The following CFHR4 variants were observed in gnomAD, a reference collection of about 807,000 sequenced individuals.
The protein encoded by CFHR4 is complement factor H related 4, also known as complement factor H-related protein 4.
In CFHR4, 64 loss-of-function variants were observed where a neutral mutation model predicts 69.3. The observed-to-expected ratio is 0.92, with a 90% confidence interval of 0.76 to 1.14. The LOEUF (loss-of-function observed/expected upper bound fraction) is 1.14. CFHR4 is among the 50% of genes most tolerant of loss of function. The pLI is 0.00. For synonymous variants in CFHR4, 244 were observed against 237.0 expected, an observed-to-expected ratio of 1.03 and a Z score of -0.27; for missense variants, 636 against 684.9, an observed-to-expected ratio of 0.93 and a Z score of 0.80.
Position 196,910,362 on chromosome 1 carries a change from C to G in CFHR4, c.881C>G (p.Ala294Gly). ...ENTRRPYFPV[A>G]TGQSYSYYCD... is the part of the protein sequence containing the mutation. ...ACGCGTAGACCATACTTTCCAGTAG[C>G]TACAGGACAATCTTACTCCTATTAC... The change falls in exon 6 of 10, where the codon GCT becomes GGT. Residue 294 changes from alanine (A) to glycine (G), a missense_variant. Around this residue, in one of 3 missense-constraint regions of CFHR4, gnomAD observed 529 missense variants for 533.2 expected, o/e 0.99. Transcript: ENST00000608469. 1 of 1,611,586 alleles carries G rather than the reference C, an allele frequency of 6.2e-7. No individual in the cohort carries two copies. The highest frequency in any genetic ancestry group is 8.5e-7 in the Non-Finnish European group (1 of 1,178,698).
At chr1:196,907,217 A>T in intron 4 of CFHR4, 99 bp from the exon 5 acceptor site, 1 of 1,251,318 alleles carries the variant, frequency 8.0e-7, no homozygotes, top group Non-Finnish European at 1.1e-6. Context: ...CTTCCTAAGA[A>T]ATCAAATAAG....
chr1:196,907,129 T>G (rs1030194805), intron 4 of CFHR4, 92 bp downstream of exon 4: 2 of 1,277,766 alleles, frequency 1.6e-6, no homozygotes, highest in Non-Finnish European at 2.2e-6. Flanking sequence ...TGAATACATA[T>G]GTGTACATAT....
At chr1:196,901,320 G>A (rs1024398636) in intron 1 of CFHR4, among the ~76,000 whole-genome samples, 16 of 151,274 alleles carry the variant, frequency 1.1e-4, no homozygotes, top group Non-Finnish European at 1.8e-4. Flanking sequence ...TCTATACCTA[G>A]AGAAGTTACT....
At chr1:196,915,403 C>T (rs994600637) in intron 9 of CFHR4, among the ~76,000 whole-genome samples, 4 of 151,390 alleles carry the variant, frequency 2.6e-5, no homozygotes, top group Middle Eastern at 3.4e-3. Flanking sequence ...TTTGGAAGGC[C>T]GAGGCAGGCA....
At chr1:196,908,086 C>T (rs542709005) in intron 5 of CFHR4, among the ~76,000 whole-genome samples, 31 of 151,360 alleles carry the variant, frequency 2.0e-4, no homozygotes, top group Non-Finnish European at 4.4e-5. Flanking sequence ...CATGTTCTCA[C>T]TCAGATGTGG....
intron 1 of CFHR4, among the ~76,000 whole-genome samples, chr1:196,897,751 C>T (rs1234456451): frequency 2.0e-5 from 3 of 151,176 alleles, no homozygotes; most frequent in Non-Finnish European, 2.9e-5. Context: ...TATGTGTGCC[C>T]GCTAAGGTGT....
At chr1:196,915,772 T>A (rs1222917471) in intron 9 of CFHR4, among the ~76,000 whole-genome samples, 7 of 150,734 alleles carry the variant, frequency 4.6e-5, no homozygotes, top group Non-Finnish European at 8.9e-5. Context: ...AAGAATGACA[T>A]CCATTTATTG....
rs1438486748 is a variant in CFHR4 at position 196,914,663 on chromosome 1, C to A, written c.1349C>A (p.Thr450Lys). The A allele has an allele frequency of 1.3e-6, 2 of 1,599,014 alleles. No individual in the cohort carries two copies. Among genetic ancestry groups the A allele is most frequent in the Admixed American group, 1.8e-5 (1 of 56,994 alleles). Residue 450 changes from threonine (T) to lysine (K), a missense_variant, in exon 8 of 10, where the codon ACA becomes AAA. Around this residue, in one of 3 missense-constraint regions of CFHR4, gnomAD observed 529 missense variants for 533.2 expected, o/e 0.99. Transcript: ENST00000608469. ...GAAGATGGGTGGTCCCATTTCCCAACATGTTATAGTAAGTATTTTATTCAA... is the reference window on the plus strand; with the variant it reads ...GAAGATGGGTGGTCCCATTTCCCAAAATGTTATAGTAAGTATTTTATTCAA... ...CGEDGWSHFP[T>K]CYNSSEKCGP...
At chr1:196,914,426 G>A (rs1658457841) in intron 7 of CFHR4, 69 bp from the exon 8 acceptor site, 1 of 1,495,114 alleles carries the variant, frequency 6.7e-7, no homozygotes, top group East Asian at 2.3e-5. Context: ...TCCCTACAAT[G>A]GGACTTTCTT....
chr1:196,914,151 A>G (rs1170287904), intron 7 of CFHR4, among the ~76,000 whole-genome samples: 1 of 151,428 alleles, frequency 6.6e-6, no homozygotes, highest in Non-Finnish European at 1.5e-5. Flanking sequence ...TTTTAAATTC[A>G]CAAAATTTTA....
At chr1:196,913,714 CA>C (rs1426782286) in intron 7 of CFHR4, among the ~76,000 whole-genome samples, 2 of 151,166 alleles carry the variant, frequency 1.3e-5, no homozygotes, top group Admixed American at 6.6e-5. Flanking sequence ...TACATACTCC[CA>C]AATCCACTTC....
At chr1:196,901,864 G>A (rs1657630251) in intron 1 of CFHR4, among the ~76,000 whole-genome samples, 1 of 151,390 alleles carries the variant, frequency 6.6e-6, no homozygotes, top group Admixed American at 6.6e-5. Flanking sequence ...AATATTCCTA[G>A]TTCATTTTCC....
In CFHR4 at chr1:196,899,564, G is replaced by A. The variant is rs545559192; in HGVS notation, c.59-2854G>A. On this transcript the variant is annotated intron_variant, in intron 1 of 9. Coordinates refer to ENST00000608469, the MANE Select transcript of CFHR4 (RefSeq NM_001201550.3). ...CCCACCTTGGCCTCCCAAGGTGTTC[G>A]GATTATCGTGCCCAAACCCAGATGA... Among the ~76,000 whole-genome samples, 62 of 151,626 alleles carry A rather than the reference G, an allele frequency of 4.1e-4. 1 individual carries two copies. The highest frequency in any genetic ancestry group is 5.3e-4 in the Non-Finnish European group (36 of 67,948).
intron 6 of CFHR4, among the ~76,000 whole-genome samples, chr1:196,910,778 T>C (rs1658220271): frequency 6.6e-6 from 1 of 151,532 alleles, no homozygotes. Flanking sequence ...GTAGCTTTAG[T>C]TTTCCTTCAG....
In CFHR4 at chr1:196,914,578, G is replaced by T. The variant is rs375415067; in HGVS notation, c.1264G>T (p.Glu422Ter). 1.2e-6 allele frequency: 2 copies of T among 1,611,708 alleles called. No individual in the cohort carries two copies. ...TAAGCTCCATGACACATTGGACTAC[G>T]AATGCTACGATGGATATGAAATCAG... ...RFKLHDTLDY[E>*]CYDGYEISYG... is the part of the protein sequence containing the mutation. Residue 422 changes from glutamate to a stop codon, truncating the protein, a stop_gained, in exon 8 of 10, where the codon GAA becomes TAA. Transcript: ENST00000608469. LOFTEE classifies it high-confidence loss of function.
rs576409734 is a variant in CFHR4 at position 196,905,051 on chromosome 1, T to C, written c.257-57T>C. 2.2e-5 allele frequency: 31 copies of C among 1,410,630 alleles called. 1 individual carries two copies. The highest frequency in any genetic ancestry group is 2.9e-5 in the African/African-American group (2 of 67,904). 87.4% of individuals were successfully genotyped at this position (1,410,630 alleles called of 1,614,324 possible). A position where few individuals can be genotyped will look rare whatever the true frequency, so the allele number is the denominator to read the frequency against. ...ACTGCCATGTTTTTACTTGTTCCCT[T>C]CTATAAAAGAAGTATTCAACAAATA... On this transcript the variant is annotated intron_variant, in intron 2 of 9. Transcript: ENST00000608469.
intron 1 of CFHR4, among the ~76,000 whole-genome samples, chr1:196,898,668 A>G (rs1348666107): frequency 1.3e-5 from 2 of 151,656 alleles, no homozygotes; most frequent in Admixed American, 1.3e-4. Context: ...GCTTAAAACA[A>G]TAAACCTTTA....
rs116223746 is a variant in CFHR4 at position 196,911,651 on chromosome 1, T to C, written c.998-1089T>C. ...AAACCATATGAATATTATGATATAA[T>C]TGAGATGAAAGACAATGGGAATCTT... is the stretch of plus-strand genomic sequence containing the variant. On this transcript the variant is annotated intron_variant, in intron 6 of 9. Coordinates refer to ENST00000608469, the MANE Select transcript of CFHR4 (RefSeq NM_001201550.3). Among the ~76,000 whole-genome samples, 506 of 151,544 alleles carry C rather than the reference T, an allele frequency of 3.3e-3. 19 individuals are homozygous for C. The highest frequency in any genetic ancestry group is 0.011 in the African/African-American group (473 of 41,152).
rs534191689 is a variant in CFHR4, at chr1:196,916,087, C to G, written c.1540+949C>G. On this transcript the variant is annotated intron_variant, in intron 9 of 9. Coordinates refer to ENST00000608469, the MANE Select transcript of CFHR4 (RefSeq NM_001201550.3). ...TTTTCCATTTTTACCTTATTCTCCT[C>G]TTCCCTTATACCATAATCAAAATGA... Among the ~76,000 whole-genome samples the G allele has an allele frequency of 9.9e-5, 15 of 151,632 alleles. 1 individual carries two copies. The South Asian group carries it at 3.1e-3, about 32-fold the overall frequency.
Sources: allele counts gnomAD v4.1 joint callset (sites outside exome capture counted in the v4.1 genomes callset), GRCh38; gene constraint gnomAD v4.1.1; regional missense constraint gnomAD v4.1.1; transcripts MANE v1.5; gene names NCBI Gene and HGNC (gene_info 2026-07-23, HGNC 2026-07-21).